The following BPIFB4 variants were observed in gnomAD, a reference collection of about 807,000 sequenced individuals.
The protein encoded by BPIFB4 is BPI fold-containing family B member 4.
Under a neutral mutation model 69.2 loss-of-function variants are expected in BPIFB4, and 62 were observed. The observed-to-expected ratio is 0.90, with a 90% CI of 0.73 to 1.11. The LOEUF (loss-of-function observed/expected upper bound fraction) is 1.11. BPIFB4 is among the 50% of genes least tolerant of loss of function. BPIFB4 has a pLI of 0.00. For synonymous variants in BPIFB4, 330 were observed against 332.7 expected, an observed-to-expected ratio of 0.99 and a Z score of 0.09; for missense variants, 789 against 792.0, an observed-to-expected ratio of 1.00 and a Z score of 0.04.
intron 3 of BPIFB4, among the ~76,000 whole-genome samples, chr20:33,081,899 G>A (rs540684236): frequency 3.3e-5 from 5 of 152,320 alleles, no homozygotes; most frequent in South Asian, 2.1e-4. Context: ...ATCAGCCTTC[G>A]TGGGGTTCAA....
intron 6 of BPIFB4, 96 bp from the exon 7 acceptor site, chr20:33,085,925 C>A (rs976546234): frequency 1.4e-6 from 2 of 1,426,416 alleles, no homozygotes; most frequent in Non-Finnish European, 2.0e-6. Flanking sequence ...AGGAGCGTAG[C>A]AGATGGCAGG....
chr20:33,084,359 C>T (rs565361778), intron 5 of BPIFB4, among the ~76,000 whole-genome samples: 3 of 152,312 alleles, frequency 2.0e-5, no homozygotes, highest in South Asian at 2.1e-4. Context: ...TCTGTCTCCA[C>T]GGAGCTTGCA....
chr20:33,092,384 C>A (rs1600557494), intron 10 of BPIFB4, 74 bp from the exon 11 acceptor site: 2 of 1,385,028 alleles, frequency 1.4e-6, no homozygotes, highest in East Asian at 2.5e-5. Context: ...AGATTCAGGG[C>A]CTCACTCCAG....
intron 10 of BPIFB4, among the ~76,000 whole-genome samples, chr20:33,091,109 C>T (rs1981587056): frequency 6.6e-6 from 1 of 152,186 alleles, no homozygotes; most frequent in African/African-American, 2.4e-5. Flanking sequence ...AAATCACTTG[C>T]CCAAGGTCAC....
chr20:33,101,788 T>C (rs1981914986), intron 14 of BPIFB4, among the ~76,000 whole-genome samples: 1 of 152,202 alleles, frequency 6.6e-6, no homozygotes, highest in Non-Finnish European at 1.5e-5. Flanking sequence ...TCAAGTGATC[T>C]GCCTGCCTCG....
At chr20:33,099,348 C>T (rs924775851) in intron 13 of BPIFB4, among the ~76,000 whole-genome samples, 1 of 152,136 alleles carries the variant, frequency 6.6e-6, no homozygotes, top group African/African-American at 2.4e-5. Flanking sequence ...CGATTCTAGC[C>T]CACGAGTGGG....
At chr20:33,100,879 G>A (rs1214321581) in intron 14 of BPIFB4, among the ~76,000 whole-genome samples, 2 of 151,140 alleles carry the variant, frequency 1.3e-5, no homozygotes, top group Admixed American at 1.3e-4. Flanking sequence ...GCTGGGCATA[G>A]GTACACACGT....
chr20:33,085,132 G>A (rs1981386007), intron 6 of BPIFB4, 136 bp downstream of exon 6: 1 of 1,462,634 alleles, frequency 6.8e-7, no homozygotes, highest in Non-Finnish European at 9.1e-7. Flanking sequence ...TCTGTCAGCG[G>A]TGAAAACAGC....
rs896827910 is a variant in BPIFB4 at position 33,098,324 on chromosome 20, C to T, written c.1569+537C>T. Among the ~76,000 whole-genome samples, 5 of 152,288 alleles carry T rather than the reference C, an allele frequency of 3.3e-5. No homozygotes were observed. In the South Asian group the frequency reaches 1.0e-3, roughly 32 times the overall value. On this transcript the variant is annotated intron_variant, in intron 13 of 17. Transcript: ENST00000375483. ...GAGCACCTACTATGTGTTATGCTTT[C>T]TACTTGACACTGGGGAAAGGGGAAA...
chr20:33,095,069 G>T, intron 11 of BPIFB4, 31 bp from the exon 12 acceptor site: 1 of 1,582,306 alleles, frequency 6.3e-7, no homozygotes, highest in Non-Finnish European at 8.7e-7. Context: ...TAGCCTCCAG[G>T]ATTCACGTGG....
chr20:33,087,831 G>A (rs775994061), intron 7 of BPIFB4, among the ~76,000 whole-genome samples: 3 of 151,832 alleles, frequency 2.0e-5, no homozygotes, highest in South Asian at 2.1e-4. Flanking sequence ...GGATAAGCCC[G>A]TCAAGGTGAA....
intron 15 of BPIFB4, 58 bp from the exon 16 acceptor site, chr20:33,104,752 G>C: frequency 6.5e-7 from 1 of 1,537,894 alleles, no homozygotes; most frequent in Non-Finnish European, 9.0e-7. Context: ...GACCCAAGGG[G>C]CCCTCTGGAG....
At chr20:33,108,922 C>T (rs574821954) in intron 17 of BPIFB4, among the ~76,000 whole-genome samples, 18 of 152,154 alleles carry the variant, frequency 1.2e-4, no homozygotes, top group African/African-American at 2.7e-4. Context: ...ATTTCCTTGC[C>T]GAAGGAAATT....
rs758222520 is a variant in BPIFB4 at position 33,083,623 on chromosome 20, A to C, written c.426A>C (p.Ala142=). The change falls in exon 5 of 18, where the codon GCA becomes GCC. Residue 142 remains alanine (A), a synonymous_variant. Transcript: ENST00000375483. ...GHRGLGRYRA[A]PVGRLHRREL... ...GGGGCCTCGGGCGATACAGGGCAGC[A>C]CCTGTGGGCAGGCTTCACCGGCGAG... 1 of 1,614,002 alleles carries C rather than the reference A, an allele frequency of 6.2e-7. No individual in the cohort carries two copies. Among genetic ancestry groups the C allele is most frequent in the Non-Finnish European group, 8.5e-7 (1 of 1,179,966 alleles).
rs776799091 is a variant in BPIFB4, at chr20:33,095,115, C to G, written c.1360C>G (p.Pro454Ala). 16 of 1,612,948 alleles carry G rather than the reference C, an allele frequency of 9.9e-6. No individual in the cohort carries two copies. In the South Asian group the frequency reaches 1.6e-4, roughly 17 times the overall value. Reference sequence around the variant, plus strand: ...TGTCCTATAGTTTGAAGAGCTTCCTCCACTTACCACAGCCACACTGGGAGC... The same window carrying G: ...TGTCCTATAGTTTGAAGAGCTTCCTGCACTTACCACAGCCACACTGGGAGC... ...ITNGMFEELP[P>A]LTTATLGALI... Residue 454 changes from proline (P) to alanine (A), a missense_variant, in exon 12 of 18, where the codon CCA (proline) becomes GCA (alanine). Pro to Ala is a conservative substitution (Grantham distance 27, BLOSUM62 -1). This residue lies in a region of BPIFB4 where 8 missense variants were observed against 23.0 expected (regional missense o/e 0.35). Coordinates refer to ENST00000375483, the MANE Select transcript of BPIFB4 (RefSeq NM_182519.3).
intron 12 of BPIFB4, among the ~76,000 whole-genome samples, chr20:33,096,946 C>A (rs1032628903): frequency 6.6e-5 from 10 of 152,210 alleles, no homozygotes; most frequent in African/African-American, 2.4e-4. Context: ...ATAAATATGG[C>A]AAACTGCCAT....
chr20:33,100,068 A>G (rs904296533), intron 13 of BPIFB4, among the ~76,000 whole-genome samples: 3 of 152,166 alleles, frequency 2.0e-5, no homozygotes, highest in African/African-American at 7.2e-5. Flanking sequence ...ACTCCGAGGC[A>G]TTGCAGAGAC....
intron 6 of BPIFB4, among the ~76,000 whole-genome samples, chr20:33,085,221 G>A (rs1015803831): frequency 1.3e-5 from 2 of 152,180 alleles, no homozygotes; most frequent in Non-Finnish European, 2.9e-5. Context: ...TTGGGAAGCC[G>A]AGGCAGGCAG....
chr20:33,089,588 G>T (rs984660219), intron 9 of BPIFB4, 30 bp downstream of exon 9: 1 of 1,614,172 alleles, frequency 6.2e-7, no homozygotes, highest in South Asian at 1.1e-5. Context: ...TCCAGCCTGG[G>T]GAAGGCACTG....
Sources: gnomAD v4.1 joint callset for allele counts (sites outside exome capture counted in the v4.1 genomes callset) on GRCh38, gnomAD v4.1.1 for gene constraint, gnomAD v4.1.1 regional missense constraint, MANE v1.5 for transcripts, NCBI Gene and HGNC (gene_info 2026-07-23, HGNC 2026-07-21) for gene names.